Variants in GSE1 observed in about 807,000 individuals in gnomAD.
GSE1 encodes Gse1 coiled-coil protein, also known as genetic suppressor element 1.
A neutral mutation model predicts 112.6 loss-of-function variants in GSE1; 32 were observed. The ratio of observed to expected loss-of-function variants is 0.28; its 90% CI spans 0.21 to 0.38. GSE1 has a LOEUF of 0.38. GSE1 is among the 10% of genes least tolerant of loss of function. The pLI, the probability that GSE1 is intolerant of heterozygous loss-of-function variation, is 1.00. For missense variants in GSE1, 2,348 were observed against 1,699.2 expected (o/e 1.38, Z -6.71); for synonymous variants, 1,115 against 735.6 (o/e 1.52, Z -8.35).
chr16:85,362,132 G>T (rs2151581411), intron 2 of GSE1, among the ~76,000 whole-genome samples: 1 of 152,334 alleles, frequency 6.6e-6, no homozygotes, highest in Middle Eastern at 3.4e-3. Context: ...GATTCCTCTG[G>T]CAGGCAAGGC....
intron 1 of GSE1, among the ~76,000 whole-genome samples, chr16:85,259,823 C>T (rs1045994164): frequency 6.6e-6 from 1 of 152,222 alleles, no homozygotes; most frequent in African/African-American, 2.4e-5. Context: ...GGGCATGGCA[C>T]TGAGGGCTCA....
At chr16:85,642,721 C>G (rs933871893) in intron 2 of GSE1, among the ~76,000 whole-genome samples, 3 of 152,252 alleles carry the variant, frequency 2.0e-5, no homozygotes, top group African/African-American at 4.8e-5. Flanking sequence ...CTCCACCGTT[C>G]CCCTGAGCAG....
intron 2 of GSE1, among the ~76,000 whole-genome samples, chr16:85,420,111 G>A (rs1422648509): frequency 1.0e-4 from 3 of 28,636 alleles, no homozygotes; most frequent in South Asian, 3.2e-3. Context: ...CAGGCCAGAC[G>A]GGTGGTGGCT....
In GSE1 at chr16:85,331,541, ATG is replaced by A. The variant is rs1476443926; in HGVS notation, c.2284-25916_2284-25915del. ...TGTGTATATATGTGTATATGTGTAT[ATG>A]TGTGTATATATGTGTATATGTGTAT... On this transcript the variant is annotated intron_variant, in intron 1 of 2. Transcript: ENST00000637419. Among the ~76,000 whole-genome samples, 184 of 114,942 alleles carry A rather than the reference ATG, an allele frequency of 1.6e-3. 2 individuals carry two copies. The highest frequency in any genetic ancestry group is 4.8e-3 in the African/African-American group (123 of 25,406). 75.4% of individuals were successfully genotyped at this position (114,942 alleles called of 152,430 possible).
Position 85,548,821 on chromosome 16 carries a change from C to G in GSE1, c.2465-85093C>G, listed in dbSNP as rs535576419. ...TCTTTTTTTGTTGGAGACGGAGTCT[C>G]ACTCTGTCACCAGGCTGGAGTGCAG... On this transcript the variant is annotated intron_variant, in intron 2 of 2. Coordinates refer to the GSE1 transcript ENST00000637419. 8.0e-3 allele frequency among the ~76,000 whole-genome samples: 1,219 copies of G among 152,280 alleles called. 14 individuals carry two copies. Among genetic ancestry groups the G allele is most frequent in the African/African-American group, 0.027 (1,126 of 41,540 alleles).
At chr16:85,566,430 C>A (rs1276360891) in intron 1 of GSE1, among the ~76,000 whole-genome samples, 1 of 152,202 alleles carries the variant, frequency 6.6e-6, no homozygotes, top group African/African-American at 2.4e-5. Flanking sequence ...CTGGCCCTCT[C>A]TCCACTGCGT....
intron 2 of GSE1, among the ~76,000 whole-genome samples, chr16:85,450,117 C>T (rs1274552879): frequency 1.6e-4 from 13 of 79,496 alleles, no homozygotes; most frequent in South Asian, 9.0e-4. Flanking sequence ...AGGCAGCTGA[C>T]TTTTTTTTTT....
At chr16:85,553,367 A>G (rs1258533645), upstream of GSE1, among the ~76,000 whole-genome samples, 1 of 151,248 alleles carries the variant, frequency 6.6e-6, no homozygotes, top group Non-Finnish European at 1.5e-5. Flanking sequence ...CTCCGGAAAC[A>G]AAGGGCCGCC....
intron 2 of GSE1, among the ~76,000 whole-genome samples, chr16:85,410,986 C>CT (rs201973000): frequency 3.3e-5 from 3 of 91,874 alleles, no homozygotes; most frequent in Non-Finnish European, 6.1e-5. Flanking sequence ...CAGGGCCCCC[C>CT]GGATAATCCT....
At chr16:85,432,971 C>G (rs549996146) in intron 2 of GSE1, among the ~76,000 whole-genome samples, 1 of 152,164 alleles carries the variant, frequency 6.6e-6, no homozygotes, top group East Asian at 1.9e-4. Flanking sequence ...CTAGAGCGGT[C>G]ACACTGTGGA....
chr16:85,266,880 C>T (rs558722635), intron 1 of GSE1, among the ~76,000 whole-genome samples: 1 of 152,246 alleles, frequency 6.6e-6, no homozygotes, highest in South Asian at 2.1e-4. Context: ...AAACCGACCT[C>T]CACGTCCTGT....
chr16:85,368,848 G>A (rs890554764), intron 2 of GSE1, among the ~76,000 whole-genome samples: 41 of 152,270 alleles, frequency 2.7e-4, no homozygotes, highest in Non-Finnish European at 4.4e-4. Context: ...AAGGTCACCC[G>A]AGAGTGATGG....
intron 2 of GSE1, among the ~76,000 whole-genome samples, chr16:85,644,700 C>T (rs747553052): frequency 2.0e-5 from 3 of 151,930 alleles, no homozygotes; most frequent in East Asian, 1.9e-4. Context: ...TTTGGGGTGA[C>T]GGAAATGCTC....
intron 1 of GSE1, among the ~76,000 whole-genome samples, chr16:85,569,743 G>A (rs144077537): frequency 5.3e-5 from 8 of 152,202 alleles, no homozygotes; most frequent in Admixed American, 1.3e-4. Flanking sequence ...CTCAGGAACC[G>A]AAGAGTTTAC....
rs535972042 is a variant in GSE1, at chr16:85,360,247, TG to T, written c.2464+2609del. 4.1e-3 allele frequency among the ~76,000 whole-genome samples: 589 copies of T among 145,020 alleles called. 3 individuals are homozygous for T. Among genetic ancestry groups the T allele is most frequent in the African/African-American group, 0.015 (565 of 38,950 alleles). On this transcript the variant is annotated intron_variant, in intron 2 of 2. Coordinates refer to the GSE1 transcript ENST00000637419. ...CTCACTGCGTACTAGCGGGGTACGT[TG>T]GGGGCGGGGGCCTGAGAGTCTGGGG...
intron 2 of GSE1, among the ~76,000 whole-genome samples, chr16:85,427,367 C>T (rs8043763): frequency 0.65 from 99,098 of 152,122 alleles, 34,507 homozygotes; most frequent in Non-Finnish European, 0.78. Flanking sequence ...TTAGGCCGGG[C>T]GCAGGGGCTC....
chr16:85,485,652 C>T (rs1456483754), intron 2 of GSE1, among the ~76,000 whole-genome samples: 4 of 152,244 alleles, frequency 2.6e-5, no homozygotes, highest in East Asian at 1.9e-4. Flanking sequence ...TAAAGCCGTG[C>T]GCAGCCCGCC....
chr16:85,202,361 G>T (rs1025990809), intron 1 of GSE1, among the ~76,000 whole-genome samples: 1 of 152,268 alleles, frequency 6.6e-6, no homozygotes, highest in East Asian at 1.9e-4. Flanking sequence ...GGGTGGGCTT[G>T]GGAAGCTCTT....
At chr16:85,265,928 G>A (rs1400160812) in intron 1 of GSE1, among the ~76,000 whole-genome samples, 2 of 152,168 alleles carry the variant, frequency 1.3e-5, no homozygotes, top group African/African-American at 4.8e-5. Flanking sequence ...CATTTTCTGG[G>A]TCCGCTGTGC....
Sources: allele counts gnomAD v4.1 joint callset (sites outside exome capture counted in the v4.1 genomes callset), GRCh38; gene constraint gnomAD v4.1.1; transcripts MANE v1.5; gene names NCBI Gene and HGNC (gene_info 2026-07-23, HGNC 2026-07-21).